Variants in GALNT13 observed in about 807,000 individuals in gnomAD.
GALNT13 encodes the protein polypeptide N-acetylgalactosaminyltransferase 13, also known as UDP-GalNAc:polypeptide N-acetylgalactosaminyltransferase 13.
Under a neutral mutation model 64.2 loss-of-function variants are expected in GALNT13, and 28 were observed. The ratio of observed to expected loss-of-function variants is 0.44; its 90% confidence interval spans 0.32 to 0.60. The LOEUF (loss-of-function observed/expected upper bound fraction) is 0.60. Among genes scored for constraint, GALNT13 ranks in the 20% least tolerant of loss-of-function variants. GALNT13 has a pLI of 0.05. For synonymous variants in GALNT13, 214 were observed against 224.6 expected (o/e 0.95, Z 0.42); for missense variants, 577 against 669.8 (o/e 0.86, Z 1.53).
intron 10 of GALNT13, among the ~76,000 whole-genome samples, chr2:154,396,891 T>A (rs1052372490): frequency 6.6e-6 from 1 of 151,190 alleles, no homozygotes; most frequent in Admixed American, 6.6e-5. Flanking sequence ...TCATTATAAC[T>A]ATACAAACTG....
At chr2:153,858,105 A>T in the GALNT13 span, among the ~76,000 whole-genome samples, 1 of 152,320 alleles carries the variant, frequency 6.6e-6, no homozygotes, top group African/African-American at 2.4e-5. Flanking sequence ...CAAGGTATAA[A>T]TTAGGTGATC....
intron 9 of GALNT13, among the ~76,000 whole-genome samples, chr2:154,376,653 C>T (rs1410592069): frequency 6.6e-6 from 1 of 152,012 alleles, no homozygotes; most frequent in East Asian, 1.9e-4. Flanking sequence ...AAGCAAATTA[C>T]AGGTTAATAG....
At chr2:153,115,227 G>A in the GALNT13 span, among the ~76,000 whole-genome samples, 1 of 152,080 alleles carries the variant, frequency 6.6e-6, no homozygotes, top group Non-Finnish European at 1.5e-5. Flanking sequence ...TTTTCATTTT[G>A]TCTGCTCCAT....
At chr2:154,288,331 TG>T (rs1156453103) in intron 8 of GALNT13, among the ~76,000 whole-genome samples, 1 of 152,082 alleles carries the variant, frequency 6.6e-6, no homozygotes, top group Non-Finnish European at 1.5e-5. Flanking sequence ...CGATGAGATT[TG>T]GGTGGAGACA....
chr2:153,878,602 A>G (rs1558830378), intron 1 of GALNT13, among the ~76,000 whole-genome samples: 1 of 152,190 alleles, frequency 6.6e-6, no homozygotes, highest in Non-Finnish European at 1.5e-5. Flanking sequence ...GTTAACTGCC[A>G]TTTACTGACA....
At chr2:154,118,030 C>A (rs1009777438) in intron 3 of GALNT13, among the ~76,000 whole-genome samples, 29 of 152,062 alleles carry the variant, frequency 1.9e-4, no homozygotes, top group Non-Finnish European at 2.9e-4. Context: ...CTGTTAGATC[C>A]ATTTTGTCTA....
At position 153,968,410 on chromosome 2, in the gene GALNT13, A is replaced by G. The variant is rs75153721; in HGVS notation, c.142+23771A>G. On this transcript the variant is annotated intron_variant, in intron 3 of 12. Transcript: ENST00000392825. ...ACACTTCCTTTGCTGTCCCTTCTTCAAGCACCCAGATTCTTTCTCCAGGCT... is the reference window on the plus strand; with the variant it reads ...ACACTTCCTTTGCTGTCCCTTCTTCGAGCACCCAGATTCTTTCTCCAGGCT... Among the ~76,000 whole-genome samples the G allele has an allele frequency of 5.3e-3, 813 of 152,200 alleles. 4 individuals are homozygous for G. Among genetic ancestry groups the G allele is most frequent in the African/African-American group, 0.018 (767 of 41,508 alleles).
chr2:153,556,462 T>A, the GALNT13 span, among the ~76,000 whole-genome samples: 2 of 152,238 alleles, frequency 1.3e-5, no homozygotes, highest in African/African-American at 4.8e-5. Flanking sequence ...AAATTTTCTG[T>A]TGACGATATA....
chr2:153,806,592 C>G, the GALNT13 span, among the ~76,000 whole-genome samples: 1 of 151,062 alleles, frequency 6.6e-6, no homozygotes, highest in Admixed American at 6.6e-5. Context: ...TTATGTGGCT[C>G]TCTAGGAAAG....
In GALNT13 at chr2:153,923,544, A is replaced by AT. The variant is rs1029561735; in HGVS notation, c.-104-20841dup. ...TTAAATCTCAATCATGGTTGTTTTT[A>AT]TTTTTTTTTATTATACTTTAAGTTC... On this transcript the variant is annotated intron_variant, in intron 2 of 12. Coordinates refer to ENST00000392825, the MANE Select transcript of GALNT13 (RefSeq NM_052917.4). Among the ~76,000 whole-genome samples, 9 of 150,776 alleles carry AT rather than the reference A, an allele frequency of 6.0e-5. No homozygotes were observed. In the South Asian group the frequency reaches 6.3e-4, roughly 11 times the overall value.
At chr2:153,127,087 A>G in the GALNT13 span, among the ~76,000 whole-genome samples, 35 of 152,352 alleles carry the variant, frequency 2.3e-4, no homozygotes, top group Admixed American at 7.8e-4. Flanking sequence ...AAGCTACAAA[A>G]AAATCTTTGA....
At chr2:154,185,663 T>C (rs995710333) in intron 4 of GALNT13, among the ~76,000 whole-genome samples, 2 of 151,954 alleles carry the variant, frequency 1.3e-5, no homozygotes, top group African/African-American at 4.8e-5. Flanking sequence ...AGTTCAGACA[T>C]TATATTTTTT....
the GALNT13 span, among the ~76,000 whole-genome samples, chr2:153,634,894 AT>A: frequency 1.5e-3 from 222 of 146,262 alleles, no homozygotes; most frequent in East Asian, 4.4e-3. Flanking sequence ...ACTGCTATAG[AT>A]TTTTTTTTTT....
chr2:153,940,659 C>G (rs1691279272), intron 2 of GALNT13, among the ~76,000 whole-genome samples: 1 of 152,084 alleles, frequency 6.6e-6, no homozygotes, highest in South Asian at 2.1e-4. Context: ...TTTATCAGCC[C>G]ATAAACCAAA....
At chr2:154,243,015 T>G in intron 6 of GALNT13, 110 bp downstream of exon 6, 1 of 865,670 alleles carries the variant, frequency 1.2e-6, no homozygotes, top group Non-Finnish European at 1.8e-6. Context: ...AAGGTTTATT[T>G]TATAGCTTTT....
chr2:154,152,219 G>A (rs1009348531), intron 4 of GALNT13, among the ~76,000 whole-genome samples: 2 of 152,092 alleles, frequency 1.3e-5, no homozygotes, highest in Non-Finnish European at 2.9e-5. Context: ...TGAAATTCTG[G>A]GTTGAAAATT....
chr2:153,563,829 T>C, the GALNT13 span, among the ~76,000 whole-genome samples: 20 of 152,264 alleles, frequency 1.3e-4, no homozygotes, highest in African/African-American at 4.3e-4. Context: ...AAATCTTTCA[T>C]GGGCTGGCTT....
At chr2:153,708,054 C>G in the GALNT13 span, among the ~76,000 whole-genome samples, 17 of 152,030 alleles carry the variant, frequency 1.1e-4, no homozygotes, top group Non-Finnish European at 2.4e-4. Context: ...TTTCCATACC[C>G]CCTACCCACA....
the GALNT13 span, among the ~76,000 whole-genome samples, chr2:153,680,610 C>T: frequency 3.3e-5 from 5 of 151,830 alleles, no homozygotes; most frequent in African/African-American, 1.2e-4. Context: ...AACTTGATCA[C>T]ATCTGATTTA....
Sources: allele counts gnomAD v4.1 joint callset (sites outside exome capture counted in the v4.1 genomes callset), GRCh38; gene constraint gnomAD v4.1.1; transcripts MANE v1.5; gene names NCBI Gene and HGNC (gene_info 2026-07-23, HGNC 2026-07-21).